The following COBL variants were observed in gnomAD, a reference collection of about 807,000 sequenced individuals.
COBL encodes the protein cordon-bleu WH2 repeat protein.
In COBL, 51 loss-of-function variants were observed where a neutral mutation model predicts 98.8. That is an observed-to-expected ratio of 0.52 (90% CI 0.41 to 0.65). The LOEUF (loss-of-function observed/expected upper bound fraction) is 0.65. Ranked by LOEUF, COBL falls within the 30% of genes least tolerant of loss-of-function variation. COBL has a pLI of 0.00. For missense variants in COBL, 1,617 were observed against 1,617.5 expected, an observed-to-expected ratio of 1.00 and a Z score of 0.01; for synonymous variants, 634 against 651.7, an observed-to-expected ratio of 0.97 and a Z score of 0.41.
intron 6 of COBL, among the ~76,000 whole-genome samples, chr7:51,098,177 A>T (rs1295633267): frequency 6.6e-6 from 1 of 150,908 alleles, no homozygotes; most frequent in Non-Finnish European, 1.5e-5. Flanking sequence ...TACCCAAAAC[A>T]ATCTATACAT....
intron 6 of COBL, among the ~76,000 whole-genome samples, chr7:51,091,051 T>C (rs1414440490): frequency 6.6e-6 from 1 of 152,190 alleles, no homozygotes; most frequent in Admixed American, 6.5e-5. Context: ...TGACATGTTA[T>C]TACACTGTAA....
At chr7:51,310,889 C>T (rs944592876) in intron 1 of COBL, among the ~76,000 whole-genome samples, 1 of 151,978 alleles carries the variant, frequency 6.6e-6, no homozygotes, top group African/African-American at 2.4e-5. Context: ...ATCTCTTGAC[C>T]TCGTGATCAA....
chr7:51,182,185 C>A (rs1203276753), intron 5 of COBL, among the ~76,000 whole-genome samples: 1 of 151,854 alleles, frequency 6.6e-6, no homozygotes, highest in Admixed American at 6.6e-5. Flanking sequence ...CAAGGGTGAA[C>A]ACAGTCCCAG....
intron 5 of COBL, among the ~76,000 whole-genome samples, chr7:51,183,334 CTTA>C (rs539444675): frequency 1.7e-3 from 258 of 152,126 alleles, no homozygotes; most frequent in Non-Finnish European, 3.4e-3. Context: ...TTTAGTCTTA[CTTA>C]TTAGTAAGGA....
At chr7:51,047,368 T>C (rs957668413) in intron 7 of COBL, among the ~76,000 whole-genome samples, 4 of 152,188 alleles carry the variant, frequency 2.6e-5, no homozygotes, top group African/African-American at 4.8e-5. Context: ...CTGAATGAGC[T>C]TTGGTAAATT....
chr7:51,262,595 T>A (rs550455965), intron 1 of COBL, among the ~76,000 whole-genome samples: 3 of 152,190 alleles, frequency 2.0e-5, no homozygotes, highest in African/African-American at 7.2e-5. Flanking sequence ...CAAGTCGCCA[T>A]GCCTGTGAAC....
chr7:51,152,266 G>C (rs192273616), intron 5 of COBL, among the ~76,000 whole-genome samples: 1 of 152,328 alleles, frequency 6.6e-6, no homozygotes, highest in African/African-American at 2.4e-5. Flanking sequence ...AATTTAGGAA[G>C]AGGGGACCAT....
chr7:51,057,692 T>TA (rs1790903451), intron 7 of COBL, among the ~76,000 whole-genome samples: 1 of 152,128 alleles, frequency 6.6e-6, no homozygotes, highest in Admixed American at 6.5e-5. Context: ...AACTCACAAT[T>TA]ATGGTGGCCC....
intron 4 of COBL, among the ~76,000 whole-genome samples, chr7:51,184,528 T>C (rs560829013): frequency 6.6e-6 from 1 of 152,396 alleles, no homozygotes; most frequent in East Asian, 1.9e-4. Context: ...ACCACACATG[T>C]AATTTTACAT....
chr7:51,208,436 T>TGG (rs34943564), intron 2 of COBL, among the ~76,000 whole-genome samples: 114 of 135,562 alleles, frequency 8.4e-4, no homozygotes, highest in Middle Eastern at 8.7e-3. Context: ...GGGAGGGAGG[T>TGG]GGGGGGGGTC....
At chr7:51,110,706 A>T (rs1796745103) in intron 6 of COBL, among the ~76,000 whole-genome samples, 1 of 152,174 alleles carries the variant, frequency 6.6e-6, no homozygotes, top group African/African-American at 2.4e-5. Flanking sequence ...CTTGCCCACA[A>T]GTCCCCAAAG....
chr7:51,242,486 G>A (rs1404633838), intron 1 of COBL, among the ~76,000 whole-genome samples: 1 of 152,158 alleles, frequency 6.6e-6, no homozygotes, highest in Non-Finnish European at 1.5e-5. Context: ...GGTATCACAG[G>A]CTGTCCTGGC....
chr7:51,065,204 G>A, intron 7 of COBL: 1 of 703,418 alleles, frequency 1.4e-6, no homozygotes. Flanking sequence ...GATGGGTTGT[G>A]TGTGTGTGCG....
intron 1 of COBL, among the ~76,000 whole-genome samples, chr7:51,292,561 G>A (rs548794123): frequency 1.3e-5 from 2 of 152,322 alleles, no homozygotes; most frequent in South Asian, 2.1e-4. Flanking sequence ...ATTTGCTGAC[G>A]CAAAAGGCAT....
chr7:51,023,315 G>GC (rs576649418), intron 12 of COBL, among the ~76,000 whole-genome samples: 118 of 152,300 alleles, frequency 7.7e-4, no homozygotes, highest in African/African-American at 2.7e-3. Context: ...ATTTCTAATT[G>GC]CCCCTATCCT....
intron 7 of COBL, among the ~76,000 whole-genome samples, chr7:51,069,178 G>C (rs888057847): frequency 1.3e-5 from 2 of 152,184 alleles, no homozygotes; most frequent in African/African-American, 4.8e-5. Flanking sequence ...TGAGAGACCA[G>C]GTAGGAGAGA....
intron 2 of COBL, among the ~76,000 whole-genome samples, chr7:51,216,585 A>G (rs766282042): frequency 2.0e-5 from 3 of 152,116 alleles, no homozygotes; most frequent in Non-Finnish European, 4.4e-5. Flanking sequence ...CATTTCCCCT[A>G]TGAACGGCTC....
intron 1 of COBL, among the ~76,000 whole-genome samples, chr7:51,245,365 T>A (rs1796199503): frequency 1.3e-5 from 2 of 152,216 alleles, no homozygotes; most frequent in Admixed American, 1.3e-4. Context: ...CCTGCTGAAA[T>A]TAGAAGTATT....
chr7:51,101,455 A>C (rs2128962861), intron 6 of COBL, among the ~76,000 whole-genome samples: 1 of 152,346 alleles, frequency 6.6e-6, no homozygotes, highest in South Asian at 2.1e-4. Flanking sequence ...AGATTACGAA[A>C]GATAACTTGT....
Sources: gnomAD v4.1 joint callset for allele counts (sites outside exome capture counted in the v4.1 genomes callset) on GRCh38, gnomAD v4.1.1 for gene constraint, MANE v1.5 for transcripts, NCBI Gene and HGNC (gene_info 2026-07-23, HGNC 2026-07-21) for gene names.